Variants in NEMP2 observed in about 807,000 individuals in gnomAD.
The protein encoded by NEMP2 is nuclear envelope integral membrane protein 2.
NEMP2 carries 53 observed loss-of-function variants against 54.2 expected under a neutral mutation model. That is an observed-to-expected ratio of 0.98 (90% CI 0.78 to 1.23). The LOEUF (loss-of-function observed/expected upper bound fraction) is 1.23. Among genes scored for constraint, NEMP2 ranks in the 50% most tolerant of loss-of-function variants. NEMP2 has a pLI of 0.00. For synonymous variants in NEMP2, 197 were observed against 190.3 expected (o/e 1.04, Z -0.29); for missense variants, 455 against 511.3 (o/e 0.89, Z 1.06).
At chr2:190,580,861 G>A in the NEMP2 span, among the ~76,000 whole-genome samples, 1 of 152,166 alleles carries the variant, frequency 6.6e-6, no homozygotes, top group Non-Finnish European at 1.5e-5. The surrounding 1 kb of genome is among the most constrained non-coding windows in gnomAD (Gnocchi z 5.3). Context: ...GAAGGTTGCA[G>A]GATTAAAATA....
At chr2:190,543,513 A>G in the NEMP2 span, among the ~76,000 whole-genome samples, 2 of 152,234 alleles carry the variant, frequency 1.3e-5, no homozygotes, top group African/African-American at 2.4e-5. This position sits in a 1 kb window ranked among gnomAD's most constrained non-coding sequence, Gnocchi z 4.7. Flanking sequence ...AAGCATCAGC[A>G]GTGCCTGAAA....
At chr2:190,435,977 A>T in the NEMP2 span, 1 of 1,543,640 alleles carries the variant, frequency 6.5e-7, no homozygotes, top group Non-Finnish European at 8.7e-7. Context: ...TACTTTACAG[A>T]TCAACAGTAC....
the NEMP2 span, chr2:190,607,643 T>G: frequency 6.6e-6 from 1 of 152,186 alleles, no homozygotes; most frequent in African/African-American, 2.4e-5. The surrounding 1 kb of genome is among the most constrained non-coding windows in gnomAD (Gnocchi z 5.2). Flanking sequence ...TTTTTAAAAT[T>G]AATTAATTTT....
chr2:190,630,121 T>C, the NEMP2 span, among the ~76,000 whole-genome samples: 2 of 152,238 alleles, frequency 1.3e-5, no homozygotes, highest in African/African-American at 4.8e-5. The surrounding 1 kb of genome is among the most constrained non-coding windows in gnomAD (Gnocchi z 5.5). Flanking sequence ...ATTATGAGCA[T>C]GTTTTGAGAA....
chr2:190,573,892 G>A, the NEMP2 span, among the ~76,000 whole-genome samples: 1 of 152,050 alleles, frequency 6.6e-6, no homozygotes, highest in Non-Finnish European at 1.5e-5. Flanking sequence ...CCATATGCCA[G>A]GCATTTGTGT....
chr2:190,627,383 T>C, the NEMP2 span, among the ~76,000 whole-genome samples: 680 of 152,370 alleles, frequency 4.5e-3, 2 homozygotes, highest in African/African-American at 0.015. The surrounding 1 kb of genome is among the most constrained non-coding windows in gnomAD (Gnocchi z 4.4). Flanking sequence ...CTTTCATTTC[T>C]GATTTACTCT....
At chr2:190,601,051 AG>A in the NEMP2 span, among the ~76,000 whole-genome samples, 3 of 152,152 alleles carry the variant, frequency 2.0e-5, no homozygotes, top group African/African-American at 7.2e-5. The surrounding 1 kb of genome is among the most constrained non-coding windows in gnomAD (Gnocchi z 5.8). Flanking sequence ...CCTAACCCCT[AG>A]TACCTCAAAA....
chr2:190,574,646 C>CCTA, the NEMP2 span, among the ~76,000 whole-genome samples: 1 of 152,102 alleles, frequency 6.6e-6, no homozygotes, highest in Non-Finnish European at 1.5e-5. Context: ...TGACCTGTCC[C>CCTA]CCAACCCTAG....
chr2:190,490,072 G>A, the NEMP2 span, among the ~76,000 whole-genome samples: 1 of 148,872 alleles, frequency 6.7e-6, no homozygotes, highest in African/African-American at 2.4e-5. This position sits in a 1 kb window ranked among gnomAD's most constrained non-coding sequence, Gnocchi z 4.5. Flanking sequence ...AAGTAGCTTG[G>A]GGTTTTCTTG....
At position 190,509,303 on chromosome 2, in the gene NEMP2, GTC is replaced by G; in HGVS notation, c.1138_1139del (p.Asp380LeufsTer11). ...SRLHTPSKFA[D>X]FVLGGSHLSP... Reference sequence around the variant, plus strand: ...ACAAGTGGCTTCCTCCAAGAACAAAGTCTGCAAATCTAACAAGTTTTTTGTTT... The same window carrying G: ...ACAAGTGGCTTCCTCCAAGAACAAAGTGCAAATCTAACAAGTTTTTTGTTT... On this transcript the variant is annotated frameshift_variant, in exon 9 of 9. Transcript: ENST00000409150. LOFTEE classifies it high-confidence loss of function. This position sits in a 1 kb window ranked among gnomAD's most constrained non-coding sequence, Gnocchi z 6.1. 1 of 1,551,634 alleles carries G rather than the reference GTC, an allele frequency of 6.4e-7. No individual in the cohort carries two copies. The highest frequency in any genetic ancestry group is 2.4e-5 in the East Asian group (1 of 40,920).
the NEMP2 span, among the ~76,000 whole-genome samples, chr2:190,482,366 G>A: frequency 6.7e-6 from 1 of 150,126 alleles, no homozygotes; most frequent in Non-Finnish European, 1.5e-5. Flanking sequence ...GTCTCTTACT[G>A]ATTTTCACCA....
the NEMP2 span, among the ~76,000 whole-genome samples, chr2:190,449,911 G>A: frequency 4.6e-5 from 7 of 152,202 alleles, no homozygotes; most frequent in Non-Finnish European, 8.8e-5. Flanking sequence ...TATACCTAAT[G>A]CTAAATGACG....
downstream of NEMP2, chr2:190,500,756 TTAAAAG>T (rs2125284264): frequency 6.5e-6 from 1 of 152,914 alleles, no homozygotes; most frequent in Non-Finnish European, 1.5e-5. This position sits in a 1 kb window ranked among gnomAD's most constrained non-coding sequence, Gnocchi z 5.3. Context: ...AAAAATAAAG[TTAAAAG>T]TTAAAGTTAA....
the NEMP2 span, among the ~76,000 whole-genome samples, chr2:190,606,505 A>T: frequency 2.0e-5 from 3 of 152,242 alleles, no homozygotes; most frequent in Admixed American, 6.5e-5. Flanking sequence ...TGAGGTCAGG[A>T]GTTCAAGACC....
chr2:190,585,405 T>A, the NEMP2 span, among the ~76,000 whole-genome samples: 1 of 152,220 alleles, frequency 6.6e-6, no homozygotes, highest in African/African-American at 2.4e-5. The surrounding 1 kb of genome is among the most constrained non-coding windows in gnomAD (Gnocchi z 5.3). Context: ...CTCTAGCCCA[T>A]ACAGGCCTCT....
At chr2:190,625,604 GA>G in the NEMP2 span, 1 of 152,118 alleles carries the variant, frequency 6.6e-6, no homozygotes, top group African/African-American at 2.4e-5. Flanking sequence ...AGAAAGAAAG[GA>G]AAAGTAAAAG....
the NEMP2 span, among the ~76,000 whole-genome samples, chr2:190,491,526 C>T: frequency 2.0e-5 from 3 of 152,160 alleles, no homozygotes; most frequent in Non-Finnish European, 2.9e-5. The surrounding 1 kb of genome is among the most constrained non-coding windows in gnomAD (Gnocchi z 4.2). Flanking sequence ...AGCCTGGTAG[C>T]CCTGCTGGGT....
In NEMP2 at chr2:190,519,104, A is replaced by T. The variant is rs764377239; in HGVS notation, c.293T>A (p.Leu98Gln). The T allele has an allele frequency of 1.9e-6, 3 of 1,551,230 alleles. No homozygotes were observed. The South Asian group carries it at 3.6e-5, about 18-fold the overall frequency. The change falls in exon 3 of 9, where the codon CTA becomes CAA. Residue 98 changes from leucine (L) to glutamine (Q), a missense_variant. Physicochemically the swap from Leu to Gln is moderately radical, Grantham distance 113. This residue lies in a region of NEMP2 where 61 missense variants were observed against 97.5 expected (regional missense o/e 0.63). Coordinates refer to ENST00000409150, the MANE Select transcript of NEMP2 (RefSeq NM_001142645.2). The surrounding 1 kb of genome is among the most constrained non-coding windows in gnomAD (Gnocchi z 5.4). ...RHNCQYPENI[L>Q]SFIKCVIHNF... ...ATGAATCACACATTTGATAAAAGAT[A>T]GAATGTTTTCTGGATATTGGCAATT...
At chr2:190,490,257 A>G in the NEMP2 span, among the ~76,000 whole-genome samples, 2,581 of 141,522 alleles carry the variant, frequency 0.018, 27 homozygotes, top group South Asian at 0.033. The surrounding 1 kb of genome is among the most constrained non-coding windows in gnomAD (Gnocchi z 4.5). Context: ...ACTTACCTTC[A>G]TTTGTTAAAA....
Sources: gnomAD v4.1 joint callset for allele counts (sites outside exome capture counted in the v4.1 genomes callset) on GRCh38, gnomAD v4.1.1 for gene constraint, gnomAD v4.1.1 regional missense constraint, Gnocchi (gnomAD v3.1) non-coding constraint, MANE v1.5 for transcripts, NCBI Gene and HGNC (gene_info 2026-07-23, HGNC 2026-07-21) for gene names.